Variants in TWIST2 observed in about 807,000 individuals in gnomAD.
The protein encoded by TWIST2 is twist-related protein 2.
In TWIST2, 1 loss-of-function variant was observed where a neutral mutation model predicts 11.6. That is an observed-to-expected ratio of 0.09 (90% confidence interval 0.03 to 0.41). The LOEUF (loss-of-function observed/expected upper bound fraction) is 0.41. Ranked by LOEUF, TWIST2 falls within the 10% of genes least tolerant of loss-of-function variation. The pLI is 0.98. For synonymous variants in TWIST2, 87 were observed against 96.6 expected, an observed-to-expected ratio of 0.90 and a Z score of 0.58; for missense variants, 168 against 226.4, an observed-to-expected ratio of 0.74 and a Z score of 1.66.
At chr2:238,903,281 C>T (rs1179696384) in intron 1 of TWIST2, among the ~76,000 whole-genome samples, 1 of 117,154 alleles carries the variant, frequency 8.5e-6, no homozygotes, top group South Asian at 3.0e-4. Context: ...TGGGGTGTGT[C>T]TAATGTGAGG....
At position 238,863,425 on chromosome 2, in the gene TWIST2, C is replaced by A. The variant is rs1343132291; in HGVS notation, c.*35+14692C>A. Reference sequence around the variant, plus strand: ...TTCAGAAGGATGCACCCGGAATGTACCAGCGCGGCTCCCTGATGGAGCTGG... The same window carrying A: ...TTCAGAAGGATGCACCCGGAATGTAACAGCGCGGCTCCCTGATGGAGCTGG... On this transcript the variant is annotated intron_variant, in intron 1 of 1. Transcript: ENST00000612363. The surrounding 1 kb of genome is among the most constrained non-coding windows in gnomAD (Gnocchi z 4.7). Among the ~76,000 whole-genome samples the A allele has an allele frequency of 6.6e-6, 1 of 152,170 alleles. No individual in the cohort carries two copies. Among genetic ancestry groups the A allele is most frequent in the Non-Finnish European group, 1.5e-5 (1 of 68,032 alleles).
At chr2:238,871,696 C>A (rs149069351) in intron 1 of TWIST2, among the ~76,000 whole-genome samples, 1 of 141,462 alleles carries the variant, frequency 7.1e-6, no homozygotes, top group Non-Finnish European at 1.5e-5. Flanking sequence ...CACACACACA[C>A]GATGGAATGT....
At chr2:238,860,731 A>G (rs1692416708) in intron 1 of TWIST2, among the ~76,000 whole-genome samples, 1 of 152,192 alleles carries the variant, frequency 6.6e-6, no homozygotes, top group African/African-American at 2.4e-5. Context: ...TGAGGTCAGG[A>G]GTTTGAAACC....
chr2:238,884,879 T>G (rs891950943), intron 1 of TWIST2, among the ~76,000 whole-genome samples: 1 of 152,180 alleles, frequency 6.6e-6, no homozygotes, highest in Non-Finnish European at 1.5e-5. Flanking sequence ...GCACACCCAG[T>G]TGACTCTTCC....
intron 1 of TWIST2, among the ~76,000 whole-genome samples, chr2:238,905,959 G>A (rs1165775769): frequency 1.8e-5 from 2 of 111,438 alleles, no homozygotes; most frequent in African/African-American, 3.7e-5. Flanking sequence ...GCGTGTGTAC[G>A]TGTGCGTGTG....
In TWIST2 at chr2:238,864,547, A is replaced by T. The variant is rs954226190; in HGVS notation, c.*35+15814A>T. ...CCAAGGCGCGCCCCACCCGGCCCCC[A>T]GGCCAGGTCAGCCTGGGGAGGGGAG... On this transcript the variant is annotated intron_variant, in intron 1 of 1. Coordinates refer to ENST00000612363, the MANE Select transcript of TWIST2 (RefSeq NM_001271893.4). The surrounding 1 kb of genome is among the most constrained non-coding windows in gnomAD (Gnocchi z 4.7). 8.6e-5 allele frequency among the ~76,000 whole-genome samples: 13 copies of T among 151,830 alleles called. No homozygotes were observed. The highest frequency in any genetic ancestry group is 8.3e-4 in the South Asian group (4 of 4,808).
chr2:238,906,393 C>A (rs1693356414), intron 1 of TWIST2, among the ~76,000 whole-genome samples: 1 of 151,952 alleles, frequency 6.6e-6, no homozygotes, highest in South Asian at 2.1e-4. Flanking sequence ...CAAACATGCA[C>A]ACCAGCACTT....
chr2:238,893,946 G>T (rs1037375567), intron 1 of TWIST2, among the ~76,000 whole-genome samples: 258 of 152,150 alleles, frequency 1.7e-3, no homozygotes, highest in African/African-American at 5.7e-3. Flanking sequence ...CCTGGTGTCA[G>T]TTCTCCCCGG....
Position 238,853,035 on chromosome 2 carries a change from T to C in TWIST2, c.*35+4302T>C, listed in dbSNP as rs1250570583. Among the ~76,000 whole-genome samples, 10 of 152,290 alleles carry C rather than the reference T, an allele frequency of 6.6e-5. No individual in the cohort carries two copies. The East Asian group carries it at 1.7e-3, about 26-fold the overall frequency. On this transcript the variant is annotated intron_variant, in intron 1 of 1. Transcript: ENST00000612363. The stretch of plus-strand genomic sequence containing the variant: ...ACGCCATTTGAGGAATCTCAATATA[T>C]TTCCAATATATAACTAATTAGAAGT...
At chr2:238,857,251 G>T (rs1423062570) in intron 1 of TWIST2, among the ~76,000 whole-genome samples, 1 of 152,148 alleles carries the variant, frequency 6.6e-6, no homozygotes, top group African/African-American at 2.4e-5. Context: ...CACCACCCTG[G>T]CACTTCCCTG....
At chr2:238,872,987 A>G (rs535485226) in intron 1 of TWIST2, among the ~76,000 whole-genome samples, 23 of 152,308 alleles carry the variant, frequency 1.5e-4, no homozygotes, top group African/African-American at 5.3e-4. Flanking sequence ...AGGACTCACC[A>G]TTCACATCCA....
intron 1 of TWIST2, among the ~76,000 whole-genome samples, chr2:238,900,499 C>G (rs1376480722): frequency 1.3e-5 from 2 of 152,202 alleles, no homozygotes; most frequent in African/African-American, 4.8e-5. Flanking sequence ...CATTTGTTGT[C>G]GTACTTGCAG....
intron 1 of TWIST2, among the ~76,000 whole-genome samples, chr2:238,874,964 C>G (rs548092097): frequency 6.6e-6 from 1 of 152,180 alleles, no homozygotes; most frequent in South Asian, 2.1e-4. Context: ...TTGATGACTT[C>G]ATATAGAGTG....
chr2:238,888,095 T>C (rs1403677696), intron 1 of TWIST2, among the ~76,000 whole-genome samples: 3 of 152,238 alleles, frequency 2.0e-5, no homozygotes, highest in Non-Finnish European at 4.4e-5. Flanking sequence ...TCACAAAATG[T>C]TCCCAAGGTG....
chr2:238,854,095 C>A (rs1205298929), intron 1 of TWIST2, among the ~76,000 whole-genome samples: 1 of 152,184 alleles, frequency 6.6e-6, no homozygotes, highest in Non-Finnish European at 1.5e-5. Flanking sequence ...AAGAGCAGTG[C>A]CTTTAAACTT....
intron 1 of TWIST2, among the ~76,000 whole-genome samples, chr2:238,875,504 A>G (rs1351974781): frequency 1.3e-5 from 2 of 152,176 alleles, no homozygotes; most frequent in Non-Finnish European, 2.9e-5. Context: ...AGTAAAGGGT[A>G]TATCCTCTGT....
chr2:238,856,353 A>G (rs151268996), intron 1 of TWIST2, among the ~76,000 whole-genome samples: 120 of 152,346 alleles, frequency 7.9e-4, no homozygotes, highest in African/African-American at 2.7e-3. Flanking sequence ...AAAGATGAGC[A>G]CGGTTACTCA....
intron 1 of TWIST2, among the ~76,000 whole-genome samples, chr2:238,874,817 G>A (rs1692773584): frequency 6.6e-6 from 1 of 152,028 alleles, no homozygotes; most frequent in Non-Finnish European, 1.5e-5. Flanking sequence ...AGGTAGGAGA[G>A]GGGCCTGGGC....
At chr2:238,888,138 TG>T (rs1181973153) in intron 1 of TWIST2, among the ~76,000 whole-genome samples, 2 of 152,372 alleles carry the variant, frequency 1.3e-5, no homozygotes, top group East Asian at 3.9e-4. Context: ...TTACTAAATG[TG>T]GCTCTGTATG....
Sources: gnomAD v4.1 joint callset for allele counts (sites outside exome capture counted in the v4.1 genomes callset) on GRCh38, gnomAD v4.1.1 for gene constraint, Gnocchi (gnomAD v3.1) non-coding constraint, MANE v1.5 for transcripts, NCBI Gene and HGNC (gene_info 2026-07-23, HGNC 2026-07-21) for gene names.